GRM7: variants seen among roughly 807,000 people sequenced by gnomAD.
GRM7 encodes the protein glutamate metabotropic receptor 7, also known as metabotropic glutamate receptor 7.
GRM7 carries 35 observed loss-of-function variants against 84.5 expected under a neutral mutation model. The ratio of observed to expected loss-of-function variants is 0.41; its 90% CI spans 0.32 to 0.55. The LOEUF (loss-of-function observed/expected upper bound fraction) is 0.55, where lower values mean the gene tolerates loss of function less well. Among genes scored for constraint, GRM7 ranks in the 20% least tolerant of loss-of-function variants. The pLI is 0.19. For synonymous variants in GRM7, 487 were observed against 455.1 expected (o/e 1.07, Z -0.89); for missense variants, 1,003 against 1,194.6 (o/e 0.84, Z 2.36).
intron 7 of GRM7, among the ~76,000 whole-genome samples, chr3:7,545,433 C>G (rs1693101126): frequency 6.6e-6 from 1 of 152,158 alleles, no homozygotes; most frequent in African/African-American, 2.4e-5. Context: ...GACATGATAC[C>G]TTTGCTCACA....
chr3:7,725,005 C>G (rs756821078), intron 9 of GRM7, among the ~76,000 whole-genome samples: 2 of 152,086 alleles, frequency 1.3e-5, no homozygotes, highest in African/African-American at 2.4e-5. Flanking sequence ...TTCTCAAACT[C>G]CTAGCTTCAA....
At chr3:7,697,879 C>T (rs1701078903) in intron 9 of GRM7, among the ~76,000 whole-genome samples, 1 of 152,172 alleles carries the variant, frequency 6.6e-6, no homozygotes, top group South Asian at 2.1e-4. Context: ...TCCACCATTA[C>T]TGTAGGGGTT....
At chr3:7,586,943 A>T (rs527787257) in intron 8 of GRM7, among the ~76,000 whole-genome samples, 1 of 152,360 alleles carries the variant, frequency 6.6e-6, no homozygotes, top group East Asian at 1.9e-4. Flanking sequence ...TATCCAAATT[A>T]ACCTATAGTG....
chr3:7,287,117 A>C (rs1699458787), intron 2 of GRM7, among the ~76,000 whole-genome samples: 1 of 152,116 alleles, frequency 6.6e-6, no homozygotes, highest in Admixed American at 6.6e-5. Flanking sequence ...AAAGAAAGCT[A>C]TTTTCAGAAT....
At chr3:7,194,700 C>A (rs1368814704) in intron 2 of GRM7, among the ~76,000 whole-genome samples, 1 of 152,086 alleles carries the variant, frequency 6.6e-6, no homozygotes, top group Non-Finnish European at 1.5e-5. Flanking sequence ...AGTTACTTAA[C>A]CTCTTGATGA....
chr3:7,187,888 GCCCTA>G (rs953496905), intron 2 of GRM7, among the ~76,000 whole-genome samples: 2 of 152,114 alleles, frequency 1.3e-5, no homozygotes, highest in African/African-American at 4.8e-5. Flanking sequence ...CGGTGTCCAA[GCCCTA>G]CCTTCAGAGT....
Position 7,675,296 on chromosome 3 carries a change from A to C in GRM7, c.2452-4753A>C, listed in dbSNP as rs187841706. 3.7e-4 allele frequency among the ~76,000 whole-genome samples: 56 copies of C among 152,342 alleles called. No individual in the cohort carries two copies. The East Asian group carries it at 9.6e-3, about 26-fold the overall frequency. On this transcript the variant is annotated intron_variant, in intron 8 of 9. Coordinates refer to ENST00000357716, the MANE Select transcript of GRM7 (RefSeq NM_000844.4). ...TTCTGGTTTTCAAAGTTGAAGACCCATCATTATTACAACTATTAACAGCTT... is the reference window on the plus strand; with the variant it reads ...TTCTGGTTTTCAAAGTTGAAGACCCCTCATTATTACAACTATTAACAGCTT...
chr3:6,940,621 CAT>C (rs1472837048), intron 1 of GRM7, among the ~76,000 whole-genome samples: 2 of 152,124 alleles, frequency 1.3e-5, no homozygotes, highest in African/African-American at 4.8e-5. Flanking sequence ...CTTTCACACA[CAT>C]AGGCAATTGA....
At chr3:7,095,370 G>C (rs1230629657) in intron 1 of GRM7, among the ~76,000 whole-genome samples, 1 of 151,968 alleles carries the variant, frequency 6.6e-6, no homozygotes, top group Non-Finnish European at 1.5e-5. Context: ...TCCCTCTTTG[G>C]AATGACTCAG....
chr3:7,249,873 G>A (rs1697914676), intron 2 of GRM7, among the ~76,000 whole-genome samples: 3 of 152,112 alleles, frequency 2.0e-5, no homozygotes, highest in Admixed American at 2.0e-4. Context: ...TATCTTCTCT[G>A]CAATCTCAAG....
At chr3:7,088,550 C>T (rs550043073) in intron 1 of GRM7, among the ~76,000 whole-genome samples, 1 of 149,710 alleles carries the variant, frequency 6.7e-6, no homozygotes, top group African/African-American at 2.5e-5. Flanking sequence ...CAGAGATCAT[C>T]TAAATGCGTG....
intron 7 of GRM7, among the ~76,000 whole-genome samples, chr3:7,473,167 G>A (rs928405365): frequency 6.6e-6 from 1 of 152,082 alleles, no homozygotes; most frequent in African/African-American, 2.4e-5. Flanking sequence ...ATTGCTTACT[G>A]CAGTAAGAGA....
intron 2 of GRM7, among the ~76,000 whole-genome samples, chr3:7,187,608 G>T (rs1695564702): frequency 6.6e-6 from 1 of 150,856 alleles, no homozygotes; most frequent in African/African-American, 2.5e-5. Context: ...GCAGAGCAGG[G>T]CTACCCCATA....
rs182446595 is a variant in GRM7 at position 7,153,110 on chromosome 3, G to T, written c.736+6442G>T. 1.8e-4 allele frequency among the ~76,000 whole-genome samples: 26 copies of T among 145,974 alleles called. No homozygotes were observed. In the East Asian group the frequency reaches 4.4e-3, roughly 25 times the overall value. On this transcript the variant is annotated intron_variant, in intron 2 of 9. Transcript: ENST00000357716. ...CTCTTTCAGAAGAAACTGCAGCATT[G>T]CCCAGTAAGCTTGGTACTGTGGATT...
chr3:7,054,239 A>C (rs2124959595), intron 1 of GRM7, among the ~76,000 whole-genome samples: 1 of 150,194 alleles, frequency 6.7e-6, no homozygotes, highest in South Asian at 2.1e-4. Context: ...AAGCCATTTT[A>C]ATCTTATCTT....
chr3:6,943,548 A>G (rs1362159012), intron 1 of GRM7, among the ~76,000 whole-genome samples: 2 of 152,004 alleles, frequency 1.3e-5, no homozygotes, highest in Admixed American at 6.6e-5. Context: ...CTTCATTTGT[A>G]TATCTGTTTA....
chr3:7,312,732 T>G (rs78362177), intron 4 of GRM7, among the ~76,000 whole-genome samples: 14,033 of 151,972 alleles, frequency 0.092, 886 homozygotes, highest in Non-Finnish European at 0.15. Context: ...TGACATTATC[T>G]GAGGGAACTT....
intron 2 of GRM7, among the ~76,000 whole-genome samples, chr3:7,181,189 T>C (rs556325563): frequency 6.6e-6 from 1 of 152,192 alleles, no homozygotes; most frequent in Non-Finnish European, 1.5e-5. Flanking sequence ...ATTACCCTTC[T>C]CTTCTTTCCA....
chr3:7,430,298 C>A (rs1696774107), intron 5 of GRM7, among the ~76,000 whole-genome samples: 1 of 152,102 alleles, frequency 6.6e-6, no homozygotes, highest in South Asian at 2.1e-4. Flanking sequence ...ATTGAGGTCA[C>A]CTGGGATGTT....
Sources: gnomAD v4.1 joint callset for allele counts (sites outside exome capture counted in the v4.1 genomes callset) on GRCh38, gnomAD v4.1.1 for gene constraint, MANE v1.5 for transcripts, NCBI Gene and HGNC (gene_info 2026-07-23, HGNC 2026-07-21) for gene names.